COL19A1: variants seen among roughly 807,000 people sequenced by gnomAD.
COL19A1 encodes the protein collagen type XIX alpha 1 chain, also known as collagen alpha-1(XIX) chain.
A neutral mutation model predicts 190.2 loss-of-function variants in COL19A1; 159 were observed. The observed-to-expected ratio is 0.84, with a 90% CI of 0.73 to 0.95. The LOEUF is 0.95. COL19A1 is among the 40% of genes least tolerant of loss of function. COL19A1 has a pLI of 0.00. For missense variants in COL19A1, 1,418 were observed against 1,431.9 expected, an observed-to-expected ratio of 0.99 and a Z score of 0.16; for synonymous variants, 509 against 458.9, an observed-to-expected ratio of 1.11 and a Z score of -1.39.
rs563244882 is a variant in COL19A1, at chr6:70,076,650, C to T, written c.1224+8174C>T. 2.5e-4 allele frequency among the ~76,000 whole-genome samples: 38 copies of T among 152,270 alleles called. No individual in the cohort carries two copies. In the South Asian group the frequency reaches 7.3e-3, roughly 29 times the overall value. On this transcript the variant is annotated intron_variant, in intron 15 of 50. Transcript: ENST00000620364. Reference sequence around the variant, plus strand: ...GTGACTTCAGCCAAATCACTCAAGACTCTAGTCTAAATTTATCTGTTTTAT... The same window carrying T: ...GTGACTTCAGCCAAATCACTCAAGATTCTAGTCTAAATTTATCTGTTTTAT...
At chr6:69,910,175 TTCA>T (rs1427100448) in intron 4 of COL19A1, among the ~76,000 whole-genome samples, 1 of 152,170 alleles carries the variant, frequency 6.6e-6, no homozygotes, top group Non-Finnish European at 1.5e-5. Flanking sequence ...ACTAGATCTT[TTCA>T]CCAAAGAAGA....
At chr6:70,164,734 T>A (rs1465271475) in intron 36 of COL19A1, among the ~76,000 whole-genome samples, 1 of 152,208 alleles carries the variant, frequency 6.6e-6, no homozygotes, top group Non-Finnish European at 1.5e-5. Flanking sequence ...TCCTTGTTTG[T>A]TGACTCATTA....
intron 34 of COL19A1, among the ~76,000 whole-genome samples, chr6:70,161,157 C>G (rs3806044): frequency 0.015 from 2,207 of 152,138 alleles, 81 homozygotes; most frequent in East Asian, 0.13. Flanking sequence ...GCCATTAAAG[C>G]GTTCCAAATT....
intron 9 of COL19A1, among the ~76,000 whole-genome samples, chr6:69,938,335 T>C (rs1773245121): frequency 6.6e-6 from 1 of 152,072 alleles, no homozygotes; most frequent in Non-Finnish European, 1.5e-5. Context: ...CTGCAAGTCT[T>C]TGTACCTATA....
chr6:70,150,336 T>A (rs1786974222), intron 30 of COL19A1, among the ~76,000 whole-genome samples: 1 of 152,154 alleles, frequency 6.6e-6, no homozygotes. Flanking sequence ...ATAAAATATA[T>A]TGCCACGATT....
chr6:69,878,209 C>A (rs932129568), intron 1 of COL19A1, among the ~76,000 whole-genome samples: 3 of 150,394 alleles, frequency 2.0e-5, no homozygotes, highest in Non-Finnish European at 4.4e-5. Context: ...ATATTTATTT[C>A]TTTTATTTAT....
intron 9 of COL19A1, among the ~76,000 whole-genome samples, chr6:69,952,303 C>G (rs371777860): frequency 6.6e-6 from 1 of 151,862 alleles, no homozygotes; most frequent in African/African-American, 2.4e-5. Flanking sequence ...GCTTGACTCT[C>G]TGGAGATTCT....
At chr6:70,187,143 G>T (rs560452192) in intron 46 of COL19A1, among the ~76,000 whole-genome samples, 1 of 152,116 alleles carries the variant, frequency 6.6e-6, no homozygotes. Flanking sequence ...GCCTCCCAAA[G>T]TGCTGTGATT....
chr6:70,207,009 C>A, intron 50 of COL19A1, 31 bp downstream of exon 50: 2 of 1,608,940 alleles, frequency 1.2e-6, no homozygotes, highest in Non-Finnish European at 1.7e-6. Flanking sequence ...ACAACACAAG[C>A]AAGCCTTTAC....
intron 4 of COL19A1, among the ~76,000 whole-genome samples, chr6:69,915,489 T>C (rs1473620653): frequency 1.3e-5 from 2 of 152,220 alleles, no homozygotes; most frequent in Non-Finnish European, 2.9e-5. Flanking sequence ...CAGCCGGGAA[T>C]GCTCATTATT....
chr6:69,898,998 A>C lies in COL19A1; in HGVS notation c.142A>C (p.Asn48His). 2 of 1,611,828 alleles carry C rather than the reference A, an allele frequency of 1.2e-6. No individual in the cohort carries two copies. The highest frequency in any genetic ancestry group is 8.5e-7 in the Non-Finnish European group (1 of 1,178,262). The stretch of plus-strand genomic sequence containing the variant: ...AGAGGGACATCAGCTGACATATGAC[A>C]ACATAAACAAACTTGAAGTTTCAGG... ...RIEGHQLTYD[N>H]INKLEVSGFD... The change falls in exon 3 of 51, where the codon AAC (asparagine) becomes CAC (histidine). Residue 48 changes from asparagine (N) to histidine (H), a missense_variant. Asn to His is a moderately conservative substitution (Grantham distance 68). Transcript: ENST00000620364.
At chr6:70,096,496 T>C (rs1330202847) in intron 15 of COL19A1, among the ~76,000 whole-genome samples, 1 of 152,154 alleles carries the variant, frequency 6.6e-6, no homozygotes, top group East Asian at 1.9e-4. Context: ...TTACCAGTGA[T>C]CTTTTTATTC....
chr6:70,023,565 T>G lies in COL19A1; in HGVS notation c.1027-62T>G, dbSNP rs1778560068. On this transcript the variant is annotated intron_variant, in intron 11 of 50. Coordinates refer to ENST00000620364, the MANE Select transcript of COL19A1 (RefSeq NM_001858.6). ...TAAATACCCAACCAACATAACTTTA[T>G]TTTTTGCTAGCAAAGGTTTTCAGAT... 3 of 1,406,776 alleles carry G rather than the reference T, an allele frequency of 2.1e-6. No individual in the cohort carries two copies. The African/African-American group carries it at 4.5e-5, about 21-fold the overall frequency. The allele number at this position is 1,406,776 out of a possible 1,614,324, so 87.1% of individuals were successfully genotyped here.
chr6:69,972,646 A>G (rs1320766376), intron 11 of COL19A1, among the ~76,000 whole-genome samples: 1 of 148,784 alleles, frequency 6.7e-6, no homozygotes, highest in Admixed American at 6.8e-5. Context: ...TTTTACATGT[A>G]TGGCCCTTAG....
At chr6:70,120,971 A>G (rs574014832) in intron 16 of COL19A1, among the ~76,000 whole-genome samples, 1 of 152,270 alleles carries the variant, frequency 6.6e-6, no homozygotes, top group African/African-American at 2.4e-5. Context: ...TAATCTTTGT[A>G]TAATGGTGCT....
intron 17 of COL19A1, among the ~76,000 whole-genome samples, chr6:70,129,259 A>G (rs2145904): frequency 0.47 from 70,883 of 151,954 alleles, 17,004 homozygotes; most frequent in African/African-American, 0.56. Context: ...CTGGGGAACT[A>G]TATGCTCTTT....
chr6:69,883,694 C>A (rs7750029), intron 2 of COL19A1, among the ~76,000 whole-genome samples: 18,040 of 152,140 alleles, frequency 0.12, 1,216 homozygotes, highest in Middle Eastern at 0.3. Flanking sequence ...TGCACGATGA[C>A]TGTAACTTTG....
chr6:70,198,680 C>T (rs912543830), intron 48 of COL19A1, among the ~76,000 whole-genome samples: 7 of 152,112 alleles, frequency 4.6e-5, no homozygotes, highest in Non-Finnish European at 8.8e-5. Flanking sequence ...ATTCGATATG[C>T]TTTTTTTAGT....
chr6:70,094,453 G>A (rs1469006341), intron 15 of COL19A1, among the ~76,000 whole-genome samples: 4 of 152,112 alleles, frequency 2.6e-5, no homozygotes, highest in Admixed American at 1.3e-4. Flanking sequence ...CTGAATTACC[G>A]TGACCTGCCA....
Sources: allele counts gnomAD v4.1 joint callset (sites outside exome capture counted in the v4.1 genomes callset), GRCh38; gene constraint gnomAD v4.1.1; transcripts MANE v1.5; gene names NCBI Gene and HGNC (gene_info 2026-07-23, HGNC 2026-07-21).